GLIS3: variants seen among roughly 807,000 people sequenced by gnomAD.
The protein encoded by GLIS3 is GLIS family zinc finger 3, also known as zinc finger protein GLIS3.
A neutral mutation model predicts 78.6 loss-of-function variants in GLIS3; 53 were observed. The observed-to-expected ratio is 0.67, with a 90% CI of 0.54 to 0.85. The LOEUF (loss-of-function observed/expected upper bound fraction) is 0.85. Ranked by LOEUF, GLIS3 falls within the 40% of genes least tolerant of loss-of-function variation. GLIS3 has a pLI of 0.00. For missense variants in GLIS3, 1,703 were observed against 1,231.1 expected (o/e 1.38, Z -5.74); for synonymous variants, 684 against 509.9 (o/e 1.34, Z -4.60).
At chr9:4,419,917 T>A in the GLIS3 span, among the ~76,000 whole-genome samples, 34 of 152,166 alleles carry the variant, frequency 2.2e-4, no homozygotes, top group African/African-American at 8.2e-4. Flanking sequence ...ACCTACCACA[T>A]TGGGGATTAT....
Position 3,927,012 on chromosome 9 carries a change from T to G in GLIS3, c.1983+5348A>C, listed in dbSNP as rs192303639. On this transcript the variant is annotated intron_variant, in intron 6 of 10. Transcript: ENST00000381971. ...GCCTTTCCTGCCCATCTCACTTCAA[T>G]AGGCCACCCTCTGTTAACATCCGTA... Among the ~76,000 whole-genome samples, 10 of 152,264 alleles carry G rather than the reference T, an allele frequency of 6.6e-5. No individual in the cohort carries two copies. The South Asian group carries it at 2.1e-3, about 31-fold the overall frequency.
chr9:4,323,764 C>T (rs1392799473), intron 2 of GLIS3, among the ~76,000 whole-genome samples: 2 of 152,168 alleles, frequency 1.3e-5, no homozygotes, highest in Non-Finnish European at 2.9e-5. Context: ...AAGGCAGAAC[C>T]ATGTCTATGT....
chr9:4,186,871 G>A, intron 2 of GLIS3, among the ~76,000 whole-genome samples: 1 of 152,112 alleles, frequency 6.6e-6, no homozygotes, highest in Non-Finnish European at 1.5e-5. Context: ...ATTTGTTTGA[G>A]TTCATTGTAG....
intron 4 of GLIS3, among the ~76,000 whole-genome samples, chr9:4,052,497 C>T (rs1825812783): frequency 6.6e-6 from 1 of 152,168 alleles, no homozygotes. Context: ...ATTCCCCACT[C>T]ACACCCTGGC....
intron 6 of GLIS3, among the ~76,000 whole-genome samples, chr9:3,911,909 T>C (rs1180243375): frequency 6.6e-6 from 1 of 152,186 alleles, no homozygotes; most frequent in East Asian, 1.9e-4. Flanking sequence ...TTCCTTTTTC[T>C]CCAACCCACT....
intron 2 of GLIS3, among the ~76,000 whole-genome samples, chr9:4,274,419 G>C (rs763251003): frequency 1.3e-5 from 2 of 152,012 alleles, no homozygotes; most frequent in Non-Finnish European, 2.9e-5. Context: ...CAGGGCAAGC[G>C]CAGACCCTCA....
chr9:4,440,342 G>C, the GLIS3 span, among the ~76,000 whole-genome samples: 1 of 152,122 alleles, frequency 6.6e-6, no homozygotes, highest in Admixed American at 6.6e-5. Context: ...ACTTAAGTCT[G>C]TAATCCATTT....
At chr9:4,181,571 TCTTTC>T (rs1817327129) in intron 2 of GLIS3, among the ~76,000 whole-genome samples, 1 of 152,218 alleles carries the variant, frequency 6.6e-6, no homozygotes, top group African/African-American at 2.4e-5. Flanking sequence ...AGCCCAGCCC[TCTTTC>T]CTTATAGAAG....
In GLIS3 at chr9:4,165,885, T is replaced by C. The variant is rs539222318; in HGVS notation, c.389-39944A>G. ...AGGATAGAACTCTGGGAATCTCCAA[T>C]GTTTGGGGAGGCAGGAAAAAAGGAA... On this transcript the variant is annotated intron_variant, in intron 2 of 10. Coordinates refer to ENST00000381971, the MANE Select transcript of GLIS3 (RefSeq NM_001042413.2). Among the ~76,000 whole-genome samples the C allele has an allele frequency of 5.3e-5, 8 of 152,264 alleles. 2 individuals are homozygous for C. In the South Asian group the frequency reaches 1.5e-3, roughly 28 times the overall value.
chr9:4,030,529 G>C (rs1823748905), intron 4 of GLIS3, among the ~76,000 whole-genome samples: 1 of 152,132 alleles, frequency 6.6e-6, no homozygotes, highest in Non-Finnish European at 1.5e-5. Context: ...CAATGTCCTG[G>C]AGACTTTCCC....
intron 4 of GLIS3, among the ~76,000 whole-genome samples, chr9:4,049,878 C>T (rs1345367544): frequency 6.6e-6 from 1 of 152,044 alleles, no homozygotes; most frequent in African/African-American, 2.4e-5. Flanking sequence ...CAGAGAAATG[C>T]AAATCAAAAC....
At chr9:3,843,586 T>G (rs1818853579) in intron 9 of GLIS3, among the ~76,000 whole-genome samples, 1 of 152,194 alleles carries the variant, frequency 6.6e-6, no homozygotes, top group South Asian at 2.1e-4. Context: ...AACAAGTATT[T>G]ATTGGGCAAT....
the GLIS3 span, among the ~76,000 whole-genome samples, chr9:4,423,838 G>A: frequency 2.0e-5 from 3 of 152,076 alleles, no homozygotes; most frequent in South Asian, 2.1e-4. Context: ...TACTTATAAT[G>A]TCAGAAGAAA....
the GLIS3 span, among the ~76,000 whole-genome samples, chr9:4,444,281 C>A: frequency 6.6e-6 from 1 of 152,220 alleles, no homozygotes; most frequent in Non-Finnish European, 1.5e-5. Context: ...ATAATTACTA[C>A]GCTTCTCATA....
At chr9:4,143,239 A>G (rs1833941739) in intron 2 of GLIS3, among the ~76,000 whole-genome samples, 1 of 151,386 alleles carries the variant, frequency 6.6e-6, no homozygotes, top group African/African-American at 2.4e-5. Context: ...GCACGTGTGT[A>G]TTTGTGTGTG....
At chr9:3,947,548 G>T (rs1240202720) in intron 4 of GLIS3, among the ~76,000 whole-genome samples, 2 of 152,232 alleles carry the variant, frequency 1.3e-5, no homozygotes, top group Non-Finnish European at 2.9e-5. Context: ...TAATAAATGT[G>T]TGTGTTTAAG....
At chr9:4,243,311 G>T (rs971871406) in intron 2 of GLIS3, among the ~76,000 whole-genome samples, 1 of 151,798 alleles carries the variant, frequency 6.6e-6, no homozygotes, top group Non-Finnish European at 1.5e-5. Context: ...GAGGTGAGAG[G>T]GTATCAAAAA....
chr9:4,303,151 T>C (rs771658775), upstream of GLIS3, among the ~76,000 whole-genome samples: 2 of 151,992 alleles, frequency 1.3e-5, no homozygotes, highest in African/African-American at 4.8e-5. Context: ...TGCAAAGAAC[T>C]ATGATCAGAT....
chr9:4,045,998 C>T (rs889452119), intron 4 of GLIS3, among the ~76,000 whole-genome samples: 6 of 152,108 alleles, frequency 3.9e-5, no homozygotes, highest in Non-Finnish European at 8.8e-5. Context: ...CAAGACAGAA[C>T]AAAAAGTGCA....
Sources: allele counts gnomAD v4.1 joint callset (sites outside exome capture counted in the v4.1 genomes callset), GRCh38; gene constraint gnomAD v4.1.1; transcripts MANE v1.5; gene names NCBI Gene and HGNC (gene_info 2026-07-23, HGNC 2026-07-21).